Variants in MSH3 observed in about 807,000 individuals in gnomAD.
MSH3 encodes DNA mismatch repair protein Msh3.
MSH3 carries 106 observed loss-of-function variants against 123.3 expected under a neutral mutation model. The observed-to-expected ratio is 0.86, with a 90% confidence interval of 0.73 to 1.01. MSH3 has a LOEUF of 1.01. Among genes scored for constraint, MSH3 ranks in the 50% least tolerant of loss-of-function variants. The pLI is 0.00. For synonymous variants in MSH3, 515 were observed against 481.4 expected, an observed-to-expected ratio of 1.07 and a Z score of -0.91; for missense variants, 1,459 against 1,347.6, an observed-to-expected ratio of 1.08 and a Z score of -1.29.
intron 18 of MSH3, among the ~76,000 whole-genome samples, chr5:80,789,662 C>T (rs901504098): frequency 3.3e-5 from 5 of 152,160 alleles, no homozygotes; most frequent in Non-Finnish European, 5.9e-5. Flanking sequence ...TGAGCCATAG[C>T]GCCTGTCCTG....
In MSH3 at chr5:80,670,356, T is replaced by A. The variant is rs771086953; in HGVS notation, c.792+47T>A. On this transcript the variant is annotated intron_variant, in intron 4 of 23. Coordinates refer to ENST00000265081, the MANE Select transcript of MSH3 (RefSeq NM_002439.5). Reference sequence around the variant, plus strand: ...TATTTTATATTTTTCTTGTCTAGCCTTAGATATTTTTCAGTATTTTTGTTT... The same window carrying A: ...TATTTTATATTTTTCTTGTCTAGCCATAGATATTTTTCAGTATTTTTGTTT... 14 of 1,556,942 alleles carry A rather than the reference T, an allele frequency of 9.0e-6. No homozygotes were observed. The Admixed American group carries it at 1.5e-4, about 17-fold the overall frequency.
At chr5:80,696,412 C>T (rs202104155) in intron 8 of MSH3, among the ~76,000 whole-genome samples, 6 of 152,082 alleles carry the variant, frequency 3.9e-5, no homozygotes, top group Admixed American at 2.0e-4. Context: ...TAGAGTAGAG[C>T]GGTTATTGGC....
At chr5:80,805,856 G>T (rs1744880311) in intron 19 of MSH3, among the ~76,000 whole-genome samples, 1 of 151,834 alleles carries the variant, frequency 6.6e-6, no homozygotes, top group Non-Finnish European at 1.5e-5. Flanking sequence ...CAAACTGCTG[G>T]GATTACAGGC....
intron 4 of MSH3, among the ~76,000 whole-genome samples, chr5:80,671,336 C>G (rs1265718054): frequency 6.6e-6 from 1 of 152,102 alleles, no homozygotes; most frequent in African/African-American, 2.4e-5. Flanking sequence ...GGTAGCATGT[C>G]TGTGCTTCTT....
chr5:80,752,986 T>C (rs903830579), intron 12 of MSH3, among the ~76,000 whole-genome samples: 8 of 152,110 alleles, frequency 5.3e-5, no homozygotes, highest in Admixed American at 2.6e-4. Flanking sequence ...GTCAAGACAA[T>C]AATAACTTCT....
At chr5:80,662,840 A>AAATTT (rs34563417) in intron 2 of MSH3, among the ~76,000 whole-genome samples, 1 of 149,442 alleles carries the variant, frequency 6.7e-6, no homozygotes. Context: ...AAAAAAAAAA[A>AAATTT]TTTTATTTGG....
At chr5:80,874,797 C>T (rs1429331868) in intron 23 of MSH3, among the ~76,000 whole-genome samples, 1 of 152,170 alleles carries the variant, frequency 6.6e-6, no homozygotes, top group African/African-American at 2.4e-5. Flanking sequence ...TCTCAGATTA[C>T]TCATAAATAT....
intron 20 of MSH3, among the ~76,000 whole-genome samples, chr5:80,827,063 C>A (rs1197739961): frequency 6.6e-6 from 1 of 152,178 alleles, no homozygotes; most frequent in Non-Finnish European, 1.5e-5. Context: ...GAGATAAGAT[C>A]TGTTTATTAT....
chr5:80,659,604 C>A (rs572454985), intron 2 of MSH3, among the ~76,000 whole-genome samples: 72 of 151,646 alleles, frequency 4.7e-4, no homozygotes, highest in African/African-American at 1.7e-3. Flanking sequence ...TAAAAATATT[C>A]ATTTTCTTTA....
rs573090800 is a variant in MSH3, at chr5:80,858,832, A to T, written c.3000+4516A>T. On this transcript the variant is annotated intron_variant, in intron 21 of 23. Transcript: ENST00000265081. The stretch of plus-strand genomic sequence containing the variant: ...TATCTCTAACTATAGTAGTATGTTC[A>T]TCTGTTTCTCTTTGTAGTTCTATCA... Among the ~76,000 whole-genome samples the T allele has an allele frequency of 2.0e-5, 3 of 152,206 alleles. No homozygotes were observed. In the East Asian group the frequency reaches 5.8e-4, roughly 29 times the overall value.
rs765581102 is a variant in MSH3, at chr5:80,768,128, C to G, written c.2084+8C>G. ...CAATGAACAAGCTGCCAAGTAAGTA[C>G]CAGACCCTGAATTCTTCCTTTTCAC... On this transcript the variant is annotated splice_region_variant and intron_variant, in intron 14 of 23. Transcript: ENST00000265081. The G allele has an allele frequency of 3.1e-6, 5 of 1,611,466 alleles. No individual in the cohort carries two copies. In the South Asian group the frequency reaches 5.5e-5, roughly 18 times the overall value.
chr5:80,743,140 A>G (rs1020597560), intron 11 of MSH3, among the ~76,000 whole-genome samples: 29 of 152,082 alleles, frequency 1.9e-4, no homozygotes, highest in African/African-American at 7.0e-4. Flanking sequence ...AGGATATAAT[A>G]GGACACGTAT....
At chr5:80,818,064 T>A (rs575378222) in intron 20 of MSH3, among the ~76,000 whole-genome samples, 1 of 152,042 alleles carries the variant, frequency 6.6e-6, no homozygotes, top group South Asian at 2.1e-4. Context: ...ACTAAAAATA[T>A]AAAAAATAGC....
At chr5:80,812,106 G>A (rs1235750117) in intron 19 of MSH3, among the ~76,000 whole-genome samples, 2 of 152,124 alleles carry the variant, frequency 1.3e-5, no homozygotes, top group African/African-American at 4.8e-5. Flanking sequence ...GCAATATAAA[G>A]CCATATGGAG....
intron 10 of MSH3, among the ~76,000 whole-genome samples, chr5:80,730,976 C>T (rs1264397894): frequency 6.8e-6 from 1 of 147,370 alleles, no homozygotes; most frequent in Non-Finnish European, 1.5e-5. Context: ...GATCTCAGCT[C>T]ACTGCAACTT....
chr5:80,820,438 G>C (rs1186385253), intron 20 of MSH3, among the ~76,000 whole-genome samples: 1 of 152,110 alleles, frequency 6.6e-6, no homozygotes, highest in Non-Finnish European at 1.5e-5. Flanking sequence ...ACAAATGTTT[G>C]ATTATATTAT....
intron 19 of MSH3, among the ~76,000 whole-genome samples, chr5:80,799,494 A>G (rs987518012): frequency 3.8e-5 from 5 of 132,420 alleles, no homozygotes; most frequent in African/African-American, 5.8e-5. Context: ...GTCAAGGAAG[A>G]TAGCACTTTT....
In MSH3 at chr5:80,654,697, C is replaced by G; in HGVS notation, c.-31C>G. On this transcript the variant is annotated 5_prime_UTR_variant, in exon 1 of 24. Transcript: ENST00000265081. ...CGCGGGCTCGCGCTCCTCGCCAGGC[C>G]CTGCCGCCGGGCTGCCATCCTTGCC... is the stretch of plus-strand genomic sequence containing the variant. The G allele has an allele frequency of 6.4e-7, 1 of 1,573,964 alleles. No homozygotes were observed. The highest frequency in any genetic ancestry group is 8.6e-7 in the Non-Finnish European group (1 of 1,162,166).
intron 19 of MSH3, among the ~76,000 whole-genome samples, chr5:80,812,960 G>C (rs374379743): frequency 6.6e-6 from 1 of 152,244 alleles, no homozygotes; most frequent in South Asian, 2.1e-4. Flanking sequence ...GGCTGTAGTT[G>C]GACAGTTTCC....
Sources: gnomAD v4.1 joint callset for allele counts (sites outside exome capture counted in the v4.1 genomes callset) on GRCh38, gnomAD v4.1.1 for gene constraint, MANE v1.5 for transcripts, NCBI Gene and HGNC (gene_info 2026-07-23, HGNC 2026-07-21) for gene names.